The following ZDHHC9 variants were observed in gnomAD, a reference collection of about 807,000 sequenced individuals.
ZDHHC9 encodes zDHHC palmitoyltransferase 9.
Under a neutral mutation model 26.6 loss-of-function variants are expected in ZDHHC9, and 3 were observed. That is an observed-to-expected ratio of 0.11 (90% CI 0.05 to 0.29). The LOEUF is 0.29. ZDHHC9 is among the 10% of genes least tolerant of loss of function. ZDHHC9 has a pLI of 1.00. For missense variants in ZDHHC9, 146 were observed against 296.4 expected (o/e 0.49, Z 3.73); for synonymous variants, 111 against 109.4 (o/e 1.01, Z -0.09).
intron 10 of ZDHHC9, among the ~76,000 whole-genome samples, chrX:129,809,762 C>G (rs1358379244): frequency 1.8e-5 from 2 of 110,420 alleles, no homozygotes; most frequent in Non-Finnish European, 3.8e-5. Context: ...CTTTGGGAGG[C>G]TGAGGTGGGC....
Position 129,804,573 on chromosome X carries a change from A to T in ZDHHC9, c.*1797T>A, listed in dbSNP as rs758516499. On this transcript the variant is annotated 3_prime_UTR_variant, in exon 11 of 11. Transcript: ENST00000357166. ...AAAGACCACTGATCAAATATTTCCA[A>T]GGGGGGGCCCTGATGAGCCTGCGTT... 9.0e-6 allele frequency: 1 copy of T among 111,253 alleles called. No individual in the cohort carries two copies. The highest frequency in any genetic ancestry group is 1.9e-5 in the Non-Finnish European group (1 of 52,937). The allele number at this position is 111,253 out of a possible 1,213,427, so 9.2% of individuals were successfully genotyped here. A position where few individuals can be genotyped will look rare whatever the true frequency, so the allele number is the denominator to read the frequency against.
At chrX:129,821,813 T>C (rs1445302579) in intron 5 of ZDHHC9, among the ~76,000 whole-genome samples, 3 of 109,403 alleles carry the variant, frequency 2.7e-5, no homozygotes, top group African/African-American at 1.0e-4. Flanking sequence ...TACCAGCTAC[T>C]CAGGAGGCTG....
chrX:129,841,758 C>T (rs756740593), intron 3 of ZDHHC9, 21 bp downstream of exon 3: 10 of 1,211,296 alleles, frequency 8.3e-6, no homozygotes, highest in Middle Eastern at 2.3e-4. Flanking sequence ...AATCAGGTAA[C>T]TCTACTCAAC....
At chrX:129,831,283 C>T (rs749715984) in intron 3 of ZDHHC9, among the ~76,000 whole-genome samples, 2 of 111,867 alleles carry the variant, frequency 1.8e-5, no homozygotes, top group African/African-American at 6.5e-5. Flanking sequence ...CTGGCCACTG[C>T]CCATCACTAA....
intron 5 of ZDHHC9, among the ~76,000 whole-genome samples, chrX:129,821,567 A>G: frequency 9.2e-6 from 1 of 108,389 alleles, no homozygotes; most frequent in Non-Finnish European, 1.9e-5. Context: ...CTGGGATTAC[A>G]GGTGTGAGCC....
intron 3 of ZDHHC9, among the ~76,000 whole-genome samples, chrX:129,834,337 C>T (rs776150667): frequency 9.5e-6 from 1 of 105,049 alleles, no homozygotes; most frequent in South Asian, 3.8e-4. Flanking sequence ...CTCTAGAAGA[C>T]AATAAACATG....
chrX:129,816,492 A>G (rs1394660362), intron 5 of ZDHHC9, among the ~76,000 whole-genome samples: 3 of 111,761 alleles, frequency 2.7e-5, no homozygotes, highest in Non-Finnish European at 3.8e-5. Context: ...ATTGTTCAAG[A>G]GTCGACTGCA....
chrX:129,842,043 C>T lies in ZDHHC9; in HGVS notation c.-98G>A, dbSNP rs1028889229. On this transcript the variant is annotated 5_prime_UTR_variant, in exon 3 of 11. Coordinates refer to ENST00000357166, the MANE Select transcript of ZDHHC9 (RefSeq NM_016032.4). Reference sequence around the variant, plus strand: ...AAATCACGTTGCCTGCTATTCCTGCCGCTGGGTCAAACATCATCAAAAGTC... The same window carrying T: ...AAATCACGTTGCCTGCTATTCCTGCTGCTGGGTCAAACATCATCAAAAGTC... 4.7e-6 allele frequency: 5 copies of T among 1,069,068 alleles called. No homozygotes were observed. In the African/African-American group the frequency reaches 5.6e-5, roughly 12 times the overall value. 88.1% of individuals were successfully genotyped at this position (1,069,068 alleles called of 1,213,427 possible).
At chrX:129,812,529 T>C (rs1343053678) in intron 8 of ZDHHC9, among the ~76,000 whole-genome samples, 189 bp downstream of exon 8, 1 of 112,495 alleles carries the variant, frequency 8.9e-6, no homozygotes, top group African/African-American at 3.2e-5. Context: ...TTCTTCCTAA[T>C]GCTCCACAAG....
intron 10 of ZDHHC9, among the ~76,000 whole-genome samples, chrX:129,808,774 A>G (rs1012383586): frequency 1.3e-4 from 15 of 112,387 alleles, no homozygotes; most frequent in Admixed American, 4.7e-4. Context: ...GAAAATTAAA[A>G]GATAACCCAT....
chrX:129,840,600 A>G (rs1034799603), intron 3 of ZDHHC9, among the ~76,000 whole-genome samples: 1 of 111,548 alleles, frequency 9.0e-6, no homozygotes, highest in Admixed American at 9.5e-5. Context: ...CAAAGTCAGC[A>G]GTAGCGGCGG....
intron 5 of ZDHHC9, 128 bp from the exon 6 acceptor site, chrX:129,814,923 T>G (rs994428628): frequency 7.3e-5 from 40 of 548,083 alleles, no homozygotes; most frequent in Non-Finnish European, 1.0e-4. Flanking sequence ...AATATAGGGT[T>G]TTTTTTTTTT....
At chrX:129,820,558 T>G (rs1927860426) in intron 5 of ZDHHC9, among the ~76,000 whole-genome samples, 1 of 111,484 alleles carries the variant, frequency 9.0e-6, no homozygotes, top group African/African-American at 3.3e-5. Context: ...GCCACTGCCC[T>G]CCAGCCTGGG....
At chrX:129,835,788 A>G in intron 3 of ZDHHC9, among the ~76,000 whole-genome samples, 1 of 111,021 alleles carries the variant, frequency 9.0e-6, no homozygotes, top group East Asian at 2.8e-4. Flanking sequence ...CGTCTCAAAG[A>G]AAAAAAAAGA....
Position 129,811,184 on chromosome X carries a change from A to G in ZDHHC9, c.882-183T>C, listed in dbSNP as rs1271763547. On this transcript the variant is annotated intron_variant, in intron 9 of 10. Transcript: ENST00000357166. ...TCCACAAACCAGGAAATGTCACATT[A>G]ACCAGGGAACAAACAAATGAAATTA... Among the ~76,000 whole-genome samples the G allele has an allele frequency of 4.5e-5, 5 of 112,117 alleles. No homozygotes were observed. The Admixed American group carries it at 4.7e-4, about 11-fold the overall frequency.
chrX:129,808,321 C>T (rs1367974905), intron 10 of ZDHHC9, among the ~76,000 whole-genome samples: 2 of 112,228 alleles, frequency 1.8e-5, no homozygotes, highest in African/African-American at 3.2e-5. Context: ...TCAAAACTTA[C>T]TACAATGCTA....
At chrX:129,810,163 G>T (rs1411876043) in intron 10 of ZDHHC9, among the ~76,000 whole-genome samples, 1 of 107,769 alleles carries the variant, frequency 9.3e-6, no homozygotes, top group Non-Finnish European at 1.9e-5. Context: ...ATCCTGGCCA[G>T]GATGGTGAAA....
chrX:129,813,351 G>C (rs1302842829), intron 7 of ZDHHC9, among the ~76,000 whole-genome samples: 1 of 111,592 alleles, frequency 9.0e-6, no homozygotes, highest in Non-Finnish European at 1.9e-5. Flanking sequence ...AACAGTACAA[G>C]ACTCTGTCTC....
At chrX:129,811,726 G>A (rs373600077) in intron 8 of ZDHHC9, among the ~76,000 whole-genome samples, 1 of 110,781 alleles carries the variant, frequency 9.0e-6, no homozygotes, top group Non-Finnish European at 1.9e-5. Context: ...ATATGAGGGC[G>A]ATCTGGCTGC....
Sources: gnomAD v4.1 joint callset for allele counts (sites outside exome capture counted in the v4.1 genomes callset) on GRCh38, gnomAD v4.1.1 for gene constraint, MANE v1.5 for transcripts, NCBI Gene and HGNC (gene_info 2026-07-23, HGNC 2026-07-21) for gene names.